EPC1: variants seen among roughly 807,000 people sequenced by gnomAD.
The protein encoded by EPC1 is enhancer of polycomb homolog 1.
A neutral mutation model predicts 98.4 loss-of-function variants in EPC1; 12 were observed. The ratio of observed to expected loss-of-function variants is 0.12; its 90% CI spans 0.08 to 0.20. The LOEUF (loss-of-function observed/expected upper bound fraction) is 0.20, where lower values mean the gene tolerates loss of function less well. Ranked by LOEUF, EPC1 falls within the 10% of genes least tolerant of loss-of-function variation. The probability of loss-of-function intolerance (pLI) is 1.00; values close to 1 mark genes in which losing one functional copy is unlikely to be tolerated. For missense variants in EPC1, 729 were observed against 990.5 expected (o/e 0.74, Z 3.54); for synonymous variants, 357 against 363.9 (o/e 0.98, Z 0.21).
At chr10:32,309,246 T>C (rs1836055630) in intron 1 of EPC1, among the ~76,000 whole-genome samples, 1 of 152,090 alleles carries the variant, frequency 6.6e-6, no homozygotes, top group South Asian at 2.1e-4. Flanking sequence ...AACAATAATT[T>C]ATTACATATT....
At chr10:32,321,345 T>C (rs1227506058) in intron 1 of EPC1, among the ~76,000 whole-genome samples, 1 of 152,046 alleles carries the variant, frequency 6.6e-6, no homozygotes, top group Admixed American at 6.5e-5. Flanking sequence ...ATCTTTAATA[T>C]AGATCTGTTT....
chr10:32,334,912 C>A (rs962146861), intron 1 of EPC1, among the ~76,000 whole-genome samples: 2 of 152,128 alleles, frequency 1.3e-5, no homozygotes, highest in Non-Finnish European at 2.9e-5. Context: ...AGAACCACTG[C>A]AAAGGAAGGA....
intron 1 of EPC1, among the ~76,000 whole-genome samples, chr10:32,363,228 C>A (rs1227468953): frequency 6.6e-6 from 1 of 152,104 alleles, no homozygotes; most frequent in Non-Finnish European, 1.5e-5. Context: ...CATGTGCCAC[C>A]ACACCTGGCT....
intron 2 of EPC1, among the ~76,000 whole-genome samples, chr10:32,302,455 CTGG>C (rs934994558): frequency 1.3e-5 from 2 of 151,724 alleles, no homozygotes; most frequent in African/African-American, 4.8e-5. Flanking sequence ...TGAGACCAGC[CTGG>C]CCAACTTGGG....
chr10:32,269,190 T>A, intron 13 of EPC1, 55 bp from the exon 14 acceptor site: 1 of 1,465,660 alleles, frequency 6.8e-7, no homozygotes, highest in Non-Finnish European at 9.5e-7. Context: ...ATTCAGCAAA[T>A]GAACATTATC....
intron 2 of EPC1, 23 bp from the exon 3 acceptor site, chr10:32,293,760 A>G (rs200001910): frequency 3.9e-5 from 62 of 1,599,446 alleles, no homozygotes; most frequent in Non-Finnish European, 3.4e-6. Flanking sequence ...ACCATATGCA[A>G]TCATTTACTG....
intron 1 of EPC1, among the ~76,000 whole-genome samples, chr10:32,353,110 G>A (rs1224895665): frequency 3.3e-5 from 5 of 149,462 alleles, no homozygotes; most frequent in African/African-American, 1.2e-4. Flanking sequence ...AGCCAAGATC[G>A]CGCCATTGCA....
At chr10:32,356,758 G>A (rs1260855466) in intron 1 of EPC1, among the ~76,000 whole-genome samples, 2 of 152,178 alleles carry the variant, frequency 1.3e-5, no homozygotes, top group Non-Finnish European at 1.5e-5. Context: ...GCCGAGGCGG[G>A]CGGATCACGG....
chr10:32,355,603 T>A (rs1368894400), intron 1 of EPC1, among the ~76,000 whole-genome samples: 1 of 139,816 alleles, frequency 7.2e-6, no homozygotes. Flanking sequence ...TTTAGTGCCT[T>A]ACCCTTTTTT....
intron 1 of EPC1, among the ~76,000 whole-genome samples, chr10:32,324,693 ACAAACAAG>A (rs1837159318): frequency 2.0e-5 from 3 of 151,838 alleles, no homozygotes; most frequent in Non-Finnish European, 2.9e-5. Context: ...AAACAAACAA[ACAAACAAG>A]AACACATTTT....
At chr10:32,316,554 A>G (rs991840417) in intron 1 of EPC1, among the ~76,000 whole-genome samples, 1 of 152,238 alleles carries the variant, frequency 6.6e-6, no homozygotes, top group African/African-American at 2.4e-5. Context: ...ATAGGGAGTA[A>G]AAATAGCTTC....
intron 2 of EPC1, among the ~76,000 whole-genome samples, chr10:32,302,619 C>T (rs1173747665): frequency 1.5e-5 from 2 of 130,232 alleles, no homozygotes; most frequent in African/African-American, 5.9e-5. Flanking sequence ...CACTGCACTC[C>T]AGTCTGGGCA....
chr10:32,378,652 G>T (rs1324202941), exon 1 of EPC1: 1 of 512,766 alleles, frequency 2.0e-6, no homozygotes, highest in Non-Finnish European at 3.4e-6. Flanking sequence ...TTCCATGATC[G>T]GTGGCCGAAT....
intron 1 of EPC1, among the ~76,000 whole-genome samples, chr10:32,318,303 GTC>G (rs1193338377): frequency 5.9e-5 from 9 of 152,062 alleles, no homozygotes; most frequent in African/African-American, 2.2e-4. Flanking sequence ...ATACAAATGT[GTC>G]TGTTTTTTTC....
intron 1 of EPC1, among the ~76,000 whole-genome samples, chr10:32,311,530 A>C (rs1458941143): frequency 6.6e-6 from 1 of 152,034 alleles, no homozygotes; most frequent in Non-Finnish European, 1.5e-5. Flanking sequence ...GCTTAAAAAA[A>C]AAACAACAAA....
intron 1 of EPC1, among the ~76,000 whole-genome samples, chr10:32,353,146 A>G (rs1256379297): frequency 2.1e-5 from 3 of 142,426 alleles, no homozygotes; most frequent in Non-Finnish European, 4.5e-5. Context: ...CAAGAGCACA[A>G]CTCCATTTCA....
intron 1 of EPC1, among the ~76,000 whole-genome samples, chr10:32,340,400 AGTGTCC>A (rs1425104911): frequency 6.6e-6 from 1 of 152,218 alleles, no homozygotes; most frequent in Non-Finnish European, 1.5e-5. Context: ...TGCAAAGTTG[AGTGTCC>A]ACTATATTTA....
At chr10:32,366,081 C>T (rs956508342) in intron 1 of EPC1, among the ~76,000 whole-genome samples, 2 of 152,046 alleles carry the variant, frequency 1.3e-5, no homozygotes, top group South Asian at 2.1e-4. Context: ...TGCAGTGAGC[C>T]GAGACCATGC....
At chr10:32,354,398 G>T (rs1290455589) in intron 1 of EPC1, among the ~76,000 whole-genome samples, 1 of 152,104 alleles carries the variant, frequency 6.6e-6, no homozygotes, top group African/African-American at 2.4e-5. Context: ...AGCTTGAAGT[G>T]AGCCAAGATT....
Sources: gnomAD v4.1 joint callset for allele counts (sites outside exome capture counted in the v4.1 genomes callset) on GRCh38, gnomAD v4.1.1 for gene constraint, MANE v1.5 for transcripts, NCBI Gene and HGNC (gene_info 2026-07-23, HGNC 2026-07-21) for gene names.